TMEM65: variants seen among roughly 807,000 people sequenced by gnomAD.
TMEM65 encodes transmembrane protein 65.
In TMEM65, 22 loss-of-function variants were observed where a neutral mutation model predicts 25.4. The observed-to-expected ratio is 0.86, with a 90% CI of 0.62 to 1.23. The LOEUF is 1.23. Ranked by LOEUF, TMEM65 falls within the 50% of genes most tolerant of loss-of-function variation. TMEM65 has a pLI of 0.00. For missense variants in TMEM65, 262 were observed against 308.2 expected (o/e 0.85, Z 1.12); for synonymous variants, 132 against 126.2 (o/e 1.05, Z -0.31).
At chr8:124,321,413 C>T (rs1010599953) in intron 5 of TMEM65, among the ~76,000 whole-genome samples, 6 of 152,036 alleles carry the variant, frequency 3.9e-5, no homozygotes, top group Non-Finnish European at 7.4e-5. Flanking sequence ...AATTTATACT[C>T]CCCCAGGCTT....
In TMEM65 at chr8:124,309,843, G is replaced by A. The variant is rs561871758; in HGVS notation, c.*4117C>T. The A allele has an allele frequency of 6.6e-6, 1 of 152,358 alleles. No homozygotes were observed. The highest frequency in any genetic ancestry group is 1.5e-5 in the Non-Finnish European group (1 of 68,080). 9.4% of individuals were successfully genotyped at this position (152,358 alleles called of 1,614,324 possible). A position where few individuals can be genotyped will look rare whatever the true frequency, so the allele number is the denominator to read the frequency against. On this transcript the variant is annotated 3_prime_UTR_variant, in exon 7 of 7. Coordinates refer to ENST00000297632, the MANE Select transcript of TMEM65 (RefSeq NM_194291.3). ...AGACAGGTGGACCACCTGAGGTCAG[G>A]AGTCTGAGGCCAGCCTGGCCAACAT...
intron 5 of TMEM65, among the ~76,000 whole-genome samples, chr8:124,320,405 CTTTTAAT>C (rs1196347896): frequency 6.6e-6 from 1 of 152,086 alleles, no homozygotes; most frequent in African/African-American, 2.4e-5. Flanking sequence ...TTCTTTACAA[CTTTTAAT>C]TTTTATTGCA....
At chr8:124,328,778 C>T (rs114693095) in intron 2 of TMEM65, among the ~76,000 whole-genome samples, 1,690 of 152,128 alleles carry the variant, frequency 0.011, 28 homozygotes, top group African/African-American at 0.036. Flanking sequence ...TTATATGTGT[C>T]TATTAATTTT....
At chr8:124,328,256 T>G (rs893550053) in intron 2 of TMEM65, among the ~76,000 whole-genome samples, 26 of 151,962 alleles carry the variant, frequency 1.7e-4, no homozygotes, top group African/African-American at 5.8e-4. Context: ...ATACAAAAAT[T>G]AGCTGGGTGT....
chr8:124,314,099 A>C, intron 6 of TMEM65, 38 bp from the exon 7 acceptor site: 1 of 1,534,790 alleles, frequency 6.5e-7, no homozygotes, highest in Non-Finnish European at 9.0e-7. Context: ...AAGTTACTTT[A>C]TCTCTGATAA....
intron 6 of TMEM65, among the ~76,000 whole-genome samples, chr8:124,319,469 C>A (rs996827510): frequency 6.6e-6 from 1 of 152,116 alleles, no homozygotes; most frequent in Non-Finnish European, 1.5e-5. Context: ...GCTGCTTATA[C>A]CTACAGCTAC....
At chr8:124,343,826 A>T (rs557427463) in intron 1 of TMEM65, among the ~76,000 whole-genome samples, 2 of 152,346 alleles carry the variant, frequency 1.3e-5, no homozygotes, top group East Asian at 3.9e-4. Flanking sequence ...TTTCATAACC[A>T]ACATCTTCTG....
At chr8:124,314,589 C>G (rs1814210046) in intron 6 of TMEM65, among the ~76,000 whole-genome samples, 1 of 152,200 alleles carries the variant, frequency 6.6e-6, no homozygotes, top group South Asian at 2.1e-4. Flanking sequence ...ACCAATTATC[C>G]TGCAACTTCA....
At chr8:124,353,089 T>G (rs1814733625) in intron 1 of TMEM65, among the ~76,000 whole-genome samples, 1 of 152,000 alleles carries the variant, frequency 6.6e-6, no homozygotes, top group East Asian at 1.9e-4. Context: ...GTCGCACCAC[T>G]GCACTCCAGC....
At position 124,306,361 on chromosome 8, in the gene TMEM65, G is replaced by C. The variant is rs925474835; in HGVS notation, c.*7599C>G. The C allele has an allele frequency of 1.3e-5, 2 of 152,144 alleles. No homozygotes were observed. The highest frequency in any genetic ancestry group is 2.9e-5 in the Non-Finnish European group (2 of 68,036). The allele number at this position is 152,144 out of a possible 1,614,324, so 9.4% of individuals were successfully genotyped here. A position where few individuals can be genotyped will look rare whatever the true frequency, so the allele number is the denominator to read the frequency against. ...CTATCATTGAAGATTTACCAAATCT[G>C]CCTGAAGCAAAATGTGATAAACTGC... On this transcript the variant is annotated 3_prime_UTR_variant, in exon 7 of 7. Coordinates refer to ENST00000297632, the MANE Select transcript of TMEM65 (RefSeq NM_194291.3).
intron 1 of TMEM65, among the ~76,000 whole-genome samples, chr8:124,364,910 G>A (rs1490619419): frequency 6.6e-6 from 1 of 152,118 alleles, no homozygotes; most frequent in Non-Finnish European, 1.5e-5. Context: ...GTCCCTATTT[G>A]TTCAAGTTAT....
intron 1 of TMEM65, chr8:124,350,998 C>T: frequency 1.0e-6 from 1 of 985,148 alleles, no homozygotes; most frequent in South Asian, 4.7e-5. Context: ...CAAATAGATG[C>T]TTCACTACTT....
intron 1 of TMEM65, among the ~76,000 whole-genome samples, chr8:124,367,126 T>A (rs1047282414): frequency 6.6e-6 from 1 of 152,250 alleles, no homozygotes; most frequent in Non-Finnish European, 1.5e-5. Flanking sequence ...CCCTTTTTCT[T>A]ATTGGACAAA....
intron 1 of TMEM65, among the ~76,000 whole-genome samples, chr8:124,367,702 T>C (rs182406313): frequency 6.6e-6 from 1 of 152,318 alleles, no homozygotes; most frequent in Non-Finnish European, 1.5e-5. Context: ...ATATGGCAAG[T>C]TCTCAAAACA....
At chr8:124,335,052 C>T (rs1188992690) in intron 1 of TMEM65, among the ~76,000 whole-genome samples, 2 of 151,940 alleles carry the variant, frequency 1.3e-5, no homozygotes, top group Non-Finnish European at 2.9e-5. Context: ...TAAATAATGG[C>T]TACAAATTTC....
intron 1 of TMEM65, among the ~76,000 whole-genome samples, chr8:124,345,734 ATTAT>A (rs146382797): frequency 5.8e-4 from 87 of 150,230 alleles, no homozygotes; most frequent in African/African-American, 2.0e-3. Flanking sequence ...AAGGAGGTTT[ATTAT>A]TTATTTATTT....
rs1814255154 is a variant in TMEM65, at chr8:124,317,677, C to T, written c.621+2409G>A. Among the ~76,000 whole-genome samples the T allele has an allele frequency of 2.6e-5, 4 of 152,210 alleles. No individual in the cohort carries two copies. The South Asian group carries it at 8.3e-4, about 32-fold the overall frequency. On this transcript the variant is annotated intron_variant, in intron 6 of 6. Coordinates refer to ENST00000297632, the MANE Select transcript of TMEM65 (RefSeq NM_194291.3). ...TTAAGTCTTTGCATAATCTCCTCCC[C>T]TTGAGCATAGGTAGGATGCTCTAAC... is the stretch of plus-strand genomic sequence containing the variant.
intron 3 of TMEM65, 49 bp downstream of exon 3, chr8:124,327,305 C>A: frequency 1.6e-6 from 2 of 1,240,108 alleles, no homozygotes; most frequent in South Asian, 1.3e-5. Context: ...AAATGTAGAC[C>A]ACATTAATTT....
intron 1 of TMEM65, among the ~76,000 whole-genome samples, 172 bp downstream of exon 1, chr8:124,371,682 G>T (rs982583040): frequency 6.6e-6 from 1 of 152,114 alleles, no homozygotes; most frequent in African/African-American, 2.4e-5. Context: ...TCGGGCGGCG[G>T]AAAGTCTCCC....
Sources: allele counts gnomAD v4.1 joint callset (sites outside exome capture counted in the v4.1 genomes callset), GRCh38; gene constraint gnomAD v4.1.1; transcripts MANE v1.5; gene names NCBI Gene and HGNC (gene_info 2026-07-23, HGNC 2026-07-21).